The following CCDC157 variants were observed in gnomAD, a reference collection of about 807,000 sequenced individuals.
CCDC157 encodes coiled-coil domain containing 157.
CCDC157 carries 60 observed loss-of-function variants against 70.9 expected under a neutral mutation model. The observed-to-expected ratio is 0.85, with a 90% CI of 0.69 to 1.05. The LOEUF is 1.05. Among genes scored for constraint, CCDC157 ranks in the 50% least tolerant of loss-of-function variants. The pLI is 0.00. For synonymous variants in CCDC157, 373 were observed against 422.4 expected (o/e 0.88, Z 1.43); for missense variants, 943 against 984.2 (o/e 0.96, Z 0.56).
Position 30,366,324 on chromosome 22 carries a change from C to T in CCDC157, c.248+76C>T, listed in dbSNP as rs1002974402. ...TGAAACCAGTGGCAGCTACGGAAGC[C>T]CCTCCAGAGGCAGGGGTGATGTTGG... On this transcript the variant is annotated intron_variant, in intron 3 of 11. Coordinates refer to ENST00000338306, the MANE Select transcript of CCDC157 (RefSeq NM_001017437.5). 20 of 1,579,524 alleles carry T rather than the reference C, an allele frequency of 1.3e-5. No homozygotes were observed. In the Admixed American group the frequency reaches 2.2e-4, roughly 17 times the overall value.
rs1933422134 is a variant in CCDC157, at chr22:30,377,314, C to T, written c.*569C>T. The stretch of plus-strand genomic sequence containing the variant: ...AATGGTGACCGTCATGAAGGTTTCT[C>T]TAAATCCTGGAGATCATAGCCCCAG... On this transcript the variant is annotated 3_prime_UTR_variant, in exon 12 of 12. Coordinates refer to ENST00000338306, the MANE Select transcript of CCDC157 (RefSeq NM_001017437.5). 1 of 155,836 alleles carries T rather than the reference C, an allele frequency of 6.4e-6. No homozygotes were observed. Among genetic ancestry groups the T allele is most frequent in the Non-Finnish European group, 1.4e-5 (1 of 70,066 alleles). 9.7% of individuals were successfully genotyped at this position (155,836 alleles called of 1,614,324 possible).
chr22:30,364,990 T>C (rs1932624033), intron 2 of CCDC157, among the ~76,000 whole-genome samples: 1 of 152,186 alleles, frequency 6.6e-6, no homozygotes, highest in Non-Finnish European at 1.5e-5. Context: ...GAGTCATTAT[T>C]TGCCAGTGAG....
rs1601737670 is a variant in CCDC157 at position 30,371,401 on chromosome 22, T to C, written c.1046-249T>C. The C allele has an allele frequency of 3.1e-5, 17 of 550,358 alleles. No individual in the cohort carries two copies. In the South Asian group the frequency reaches 3.3e-4, roughly 11 times the overall value. 34.1% of individuals were successfully genotyped at this position (550,358 alleles called of 1,614,324 possible). A position where few individuals can be genotyped will look rare whatever the true frequency, so the allele number is the denominator to read the frequency against. On this transcript the variant is annotated intron_variant, in intron 5 of 11. Coordinates refer to ENST00000338306, the MANE Select transcript of CCDC157 (RefSeq NM_001017437.5). ...CTGAGGGATTTGCCCTTTCTGAGCC[T>C]CATCACAGTTGCCTCCATGGACGAC... is the stretch of plus-strand genomic sequence containing the variant.
chr22:30,364,386 A>G (rs1932574918), intron 2 of CCDC157, among the ~76,000 whole-genome samples: 1 of 152,194 alleles, frequency 6.6e-6, no homozygotes, highest in Admixed American at 6.5e-5. Flanking sequence ...ATTTAAGGTG[A>G]TGGATATTCT....
At position 30,365,982 on chromosome 22, in the gene CCDC157, C is replaced by T. The variant is rs757487295; in HGVS notation, c.-11-8C>T. The T allele has an allele frequency of 6.4e-6, 10 of 1,567,834 alleles. No individual in the cohort carries two copies. Among genetic ancestry groups the T allele is most frequent in the South Asian group, 1.1e-5 (1 of 88,518 alleles). On this transcript the variant is annotated splice_polypyrimidine_tract_variant and splice_region_variant and intron_variant, in intron 2 of 11. Transcript: ENST00000338306. Reference sequence around the variant, plus strand: ...CTGGCTGGCAGGGCTCTTCTCTGCTCACCCCAGGATCTGTGAGGATGGCGC... The same window carrying T: ...CTGGCTGGCAGGGCTCTTCTCTGCTTACCCCAGGATCTGTGAGGATGGCGC...
Position 30,378,078 on chromosome 22 carries a change from G to T in CCDC157, c.*1333G>T, listed in dbSNP as rs894326604. 8 of 470,716 alleles carry T rather than the reference G, an allele frequency of 1.7e-5. No individual in the cohort carries two copies. The highest frequency in any genetic ancestry group is 3.5e-5 in the Non-Finnish European group (8 of 226,878). The allele number at this position is 470,716 out of a possible 1,614,324, so 29.2% of individuals were successfully genotyped here. A position where few individuals can be genotyped will look rare whatever the true frequency, so the allele number is the denominator to read the frequency against. On this transcript the variant is annotated 3_prime_UTR_variant, in exon 12 of 12. Transcript: ENST00000338306. The stretch of plus-strand genomic sequence containing the variant: ...GTCCCCATGTCCTCGCTGGCTGGCT[G>T]TAAGCCAGGTCCTCTCACGGCTCCT...
rs759238324 is a variant in CCDC157, at chr22:30,371,759, C to T, written c.1123+32C>T. 5 of 1,551,710 alleles carry T rather than the reference C, an allele frequency of 3.2e-6. No homozygotes were observed. In the South Asian group the frequency reaches 4.4e-5, roughly 14 times the overall value. On this transcript the variant is annotated intron_variant, in intron 6 of 11. Transcript: ENST00000338306. ...AGCCCCATCATAGGCCCCCATGCCA[C>T]ATCTCAAGCCAGGGGTGTGGCTGGA... is the stretch of plus-strand genomic sequence containing the variant.
rs1190147128 is a variant in CCDC157, at chr22:30,373,743, A to C, written c.1482A>C (p.Gln494His). 1 of 1,553,882 alleles carries C rather than the reference A, an allele frequency of 6.4e-7. No homozygotes were observed. Among genetic ancestry groups the C allele is most frequent in the African/African-American group, 1.4e-5 (1 of 73,466 alleles). Reference protein sequence around the residue: ...EQLQSEREQGQCQLRAQQELL... With the variant: ...EQLQSEREQGHCQLRAQQELL... ...TGCAGAGCGAGCGGGAGCAGGGGCA[A>C]TGCCAGCTCAGGGCCCAGCAGGTGA... The change falls in exon 8 of 12, where the codon CAA becomes CAC. Residue 494 changes from glutamine (Q) to histidine (H), a missense_variant. By Grantham distance (24) the Gln-to-His change is conservative. Transcript: ENST00000338306.
chr22:30,362,852 G>T (rs1052304903), intron 2 of CCDC157, among the ~76,000 whole-genome samples: 12 of 152,182 alleles, frequency 7.9e-5, no homozygotes, highest in African/African-American at 2.9e-4. Context: ...GCACTCAGTG[G>T]GGTGCCGTTT....
chr22:30,376,239 C>CAT lies in CCDC157; in HGVS notation c.1858-20_1858-19insAT. The CAT allele has an allele frequency of 6.9e-7, 1 of 1,451,428 alleles. No homozygotes were observed. Among genetic ancestry groups the CAT allele is most frequent in the Non-Finnish European group, 9.4e-7 (1 of 1,061,682 alleles). 89.9% of individuals were successfully genotyped at this position (1,451,428 alleles called of 1,614,324 possible). A position where few individuals can be genotyped will look rare whatever the true frequency, so the allele number is the denominator to read the frequency against. The stretch of plus-strand genomic sequence containing the variant: ...GACTCCTGGGCCCTTATAAGACTGG[C>CAT]TTTTTTTTTTTTTTTGTAGCTGATC... On this transcript the variant is annotated intron_variant, in intron 10 of 11. Coordinates refer to ENST00000338306, the MANE Select transcript of CCDC157 (RefSeq NM_001017437.5).
chr22:30,361,937 AC>A (rs1490913707), intron 1 of CCDC157, 23 bp from the exon 2 acceptor site: 1 of 152,196 alleles, frequency 6.6e-6, no homozygotes, highest in African/African-American at 2.4e-5. Context: ...GCTTTCACTC[AC>A]TGTCACTGTC....
chr22:30,377,302 A>T lies in CCDC157; in HGVS notation c.*557A>T, dbSNP rs1416642017. 1.3e-5 allele frequency: 2 copies of T among 156,806 alleles called. No individual in the cohort carries two copies. Among genetic ancestry groups the T allele is most frequent in the African/African-American group, 4.8e-5 (2 of 41,504 alleles). 9.7% of individuals were successfully genotyped at this position (156,806 alleles called of 1,614,324 possible). A position where few individuals can be genotyped will look rare whatever the true frequency, so the allele number is the denominator to read the frequency against. Reference sequence around the variant, plus strand: ...TTGCCTTTAGGAAATGGTGACCGTCATGAAGGTTTCTCTAAATCCTGGAGA... The same window carrying T: ...TTGCCTTTAGGAAATGGTGACCGTCTTGAAGGTTTCTCTAAATCCTGGAGA... On this transcript the variant is annotated 3_prime_UTR_variant, in exon 12 of 12. Coordinates refer to ENST00000338306, the MANE Select transcript of CCDC157 (RefSeq NM_001017437.5).
Position 30,366,137 on chromosome 22 carries a change from T to C in CCDC157, c.137T>C (p.Met46Thr). Reference sequence around the variant, plus strand: ...CCCTCCTGGAAGTTCCCTGACCGCATGGCCTGTGACCTCGACATGGTGGCC... The same window carrying C: ...CCCTCCTGGAAGTTCCCTGACCGCACGGCCTGTGACCTCGACATGGTGGCC... ...RFPSWKFPDR[M>T]ACDLDMVALL... The change falls in exon 3 of 12, where the codon ATG becomes ACG. Residue 46 changes from methionine to threonine, a missense_variant. Met to Thr is a moderately conservative substitution (Grantham distance 81, BLOSUM62 -1). Coordinates refer to ENST00000338306, the MANE Select transcript of CCDC157 (RefSeq NM_001017437.5). 3 of 1,613,736 alleles carry C rather than the reference T, an allele frequency of 1.9e-6. No individual in the cohort carries two copies. Among genetic ancestry groups the C allele is most frequent in the Non-Finnish European group, 2.5e-6 (3 of 1,180,014 alleles).
intron 6 of CCDC157, 134 bp from the exon 7 acceptor site, chr22:30,371,941 A>G: frequency 1.3e-6 from 1 of 754,266 alleles, no homozygotes; most frequent in Middle Eastern, 3.9e-4. Context: ...AACCCACCTC[A>G]GGTGGGGTCT....
intron 1 of CCDC157, 94 bp downstream of exon 1, chr22:30,357,226 C>T (rs1372304505): frequency 1.3e-5 from 2 of 158,602 alleles, no homozygotes; most frequent in East Asian, 1.8e-4. Flanking sequence ...TTCGACCCCG[C>T]CTTCCAAGAG....
Position 30,369,540 on chromosome 22 carries a change from G to C in CCDC157, c.357G>C (p.Thr119=), listed in dbSNP as rs555816649. 5 of 1,604,524 alleles carry C rather than the reference G, an allele frequency of 3.1e-6. No homozygotes were observed. The African/African-American group carries it at 6.7e-5, about 22-fold the overall frequency. Residue 119 remains threonine, a synonymous_variant, in exon 4 of 12, where the codon ACG becomes ACC. Coordinates refer to ENST00000338306, the MANE Select transcript of CCDC157 (RefSeq NM_001017437.5). ...AAGPCMSVGL[T]VRRFWDSLLR... ...GGCCCTGCATGTCCGTGGGGCTCAC[G>C]GTGCGGCGCTTCTGGGACAGCCTGC...
chr22:30,371,483 G>T (rs372836665), intron 5 of CCDC157, 167 bp from the exon 6 acceptor site: 2 of 615,694 alleles, frequency 3.2e-6, no homozygotes, highest in East Asian at 5.5e-5. Flanking sequence ...AGCAGGGTGG[G>T]TAAGGGCCCA....
chr22:30,357,448 C>T (rs541928671), intron 1 of CCDC157, among the ~76,000 whole-genome samples: 2 of 152,338 alleles, frequency 1.3e-5, no homozygotes, highest in South Asian at 2.1e-4. Flanking sequence ...GTAGTCCCGC[C>T]CTCAAGCCCC....
intron 1 of CCDC157, among the ~76,000 whole-genome samples, chr22:30,361,247 CAAAAAAAA>C (rs33971565): frequency 4.8e-5 from 3 of 62,194 alleles, no homozygotes; most frequent in African/African-American, 6.6e-5. Flanking sequence ...GACTCTGTCT[CAAAAAAAA>C]AAAAAAAAAA....
Sources: allele counts gnomAD v4.1 joint callset (sites outside exome capture counted in the v4.1 genomes callset), GRCh38; gene constraint gnomAD v4.1.1; transcripts MANE v1.5; gene names NCBI Gene and HGNC (gene_info 2026-07-23, HGNC 2026-07-21).